The following SGCZ variants were observed in gnomAD, a reference collection of about 807,000 sequenced individuals.
The protein encoded by SGCZ is sarcoglycan zeta.
Under a neutral mutation model 41.3 loss-of-function variants are expected in SGCZ, and 40 were observed. That is an observed-to-expected ratio of 0.97 (90% confidence interval 0.75 to 1.26). The LOEUF (loss-of-function observed/expected upper bound fraction) is 1.26. SGCZ is among the 50% of genes most tolerant of loss of function. The pLI, the probability that SGCZ is intolerant of heterozygous loss-of-function variation, is 0.00. For synonymous variants in SGCZ, 206 were observed against 137.5 expected (o/e 1.50, Z -3.49); for missense variants, 552 against 369.8 (o/e 1.49, Z -4.04).
chr8:15,057,737 T>C (rs1426487651), intron 1 of SGCZ, among the ~76,000 whole-genome samples: 1 of 152,244 alleles, frequency 6.6e-6, no homozygotes, highest in African/African-American at 2.4e-5. Context: ...AAGAATTAGC[T>C]GTGCTCCCTG....
At chr8:14,677,078 C>A (rs1412624223) in intron 1 of SGCZ, among the ~76,000 whole-genome samples, 1 of 148,334 alleles carries the variant, frequency 6.7e-6, no homozygotes. Flanking sequence ...AAGAACTGAC[C>A]AAAAAAAAAC....
At chr8:15,027,112 C>A (rs1803486718) in intron 1 of SGCZ, among the ~76,000 whole-genome samples, 1 of 152,158 alleles carries the variant, frequency 6.6e-6, no homozygotes, top group African/African-American at 2.4e-5. Context: ...CTTTCTCAGA[C>A]CATTGTATCT....
intron 1 of SGCZ, among the ~76,000 whole-genome samples, chr8:14,860,723 A>AAAGG (rs1803714432): frequency 6.6e-6 from 1 of 150,708 alleles, no homozygotes; most frequent in Non-Finnish European, 1.5e-5. Context: ...AGAAAGAAAG[A>AAAGG]AAGAAAGAAA....
intron 2 of SGCZ, among the ~76,000 whole-genome samples, chr8:14,337,843 C>G (rs761097787): frequency 1.3e-5 from 2 of 152,070 alleles, no homozygotes; most frequent in South Asian, 2.1e-4. Context: ...CCACTTTTAG[C>G]AATGGAGATG....
chr8:14,723,071 C>A (rs1809941035), intron 1 of SGCZ, among the ~76,000 whole-genome samples: 1 of 152,030 alleles, frequency 6.6e-6, no homozygotes. Context: ...TAGGCAGGTT[C>A]AAAAGAAATG....
intron 1 of SGCZ, among the ~76,000 whole-genome samples, chr8:14,675,058 C>G (rs1365060904): frequency 6.7e-6 from 1 of 149,182 alleles, no homozygotes; most frequent in East Asian, 2.0e-4. Flanking sequence ...CCTGCTTCAG[C>G]CTCAGGAGTT....
chr8:15,187,448 C>A (rs184835787), intron 1 of SGCZ, among the ~76,000 whole-genome samples: 3 of 152,028 alleles, frequency 2.0e-5, no homozygotes, highest in Non-Finnish European at 4.4e-5. Context: ...AAATAATCTC[C>A]AGACAAATGG....
At chr8:14,338,833 C>T (rs1054953178) in intron 2 of SGCZ, among the ~76,000 whole-genome samples, 11 of 151,984 alleles carry the variant, frequency 7.2e-5, no homozygotes, top group Admixed American at 3.9e-4. Context: ...TATGTAAGTG[C>T]CCTATGACAA....
chr8:14,980,118 G>C (rs1039300515), intron 1 of SGCZ, among the ~76,000 whole-genome samples: 37 of 152,134 alleles, frequency 2.4e-4, no homozygotes, highest in African/African-American at 8.2e-4. Flanking sequence ...TGTGCTTTCT[G>C]GTGGCAAGAC....
intron 2 of SGCZ, among the ~76,000 whole-genome samples, chr8:14,520,378 G>A (rs983658773): frequency 3.9e-5 from 6 of 151,976 alleles, no homozygotes; most frequent in Non-Finnish European, 7.4e-5. Flanking sequence ...AGTAAAACTT[G>A]GGCATGTTAT....
intron 2 of SGCZ, among the ~76,000 whole-genome samples, chr8:14,518,135 A>G (rs1297931521): frequency 1.3e-5 from 2 of 151,926 alleles, no homozygotes; most frequent in African/African-American, 4.8e-5. Flanking sequence ...TTCTCTCTCT[A>G]AAAATATATT....
At chr8:15,208,326 T>C (rs561553830) in intron 1 of SGCZ, among the ~76,000 whole-genome samples, 1 of 152,214 alleles carries the variant, frequency 6.6e-6, no homozygotes, top group Admixed American at 6.5e-5. Context: ...ATGACGGGTA[T>C]GATTTAAGAC....
rs550535644 is a variant in SGCZ, at chr8:15,032,670, C to A, written c.39+204915G>T. On this transcript the variant is annotated intron_variant, in intron 1 of 7. Transcript: ENST00000382080. ...CAGGGGCCTTGGGCTTAGGACCTAC[C>A]CCATTGCCAGGTCAGCCCCCAGAGA... Among the ~76,000 whole-genome samples the A allele has an allele frequency of 5.9e-5, 9 of 152,216 alleles. No homozygotes were observed. In the South Asian group the frequency reaches 1.9e-3, roughly 32 times the overall value.
chr8:14,701,319 A>C (rs749010738), intron 1 of SGCZ, among the ~76,000 whole-genome samples: 12 of 151,920 alleles, frequency 7.9e-5, no homozygotes, highest in Non-Finnish European at 1.6e-4. Flanking sequence ...TATAAAAATA[A>C]ACCATACTTT....
chr8:14,305,227 C>A (rs549112153), intron 3 of SGCZ, among the ~76,000 whole-genome samples: 3 of 152,078 alleles, frequency 2.0e-5, no homozygotes, highest in Admixed American at 6.5e-5. Context: ...ATCATATGAA[C>A]AACAAAACAT....
chr8:14,474,435 A>T (rs1312089961), intron 2 of SGCZ, among the ~76,000 whole-genome samples: 3 of 152,216 alleles, frequency 2.0e-5, no homozygotes, highest in Non-Finnish European at 4.4e-5. Context: ...TCACACAGAA[A>T]GTGATGCTAA....
chr8:15,203,404 G>T (rs371000460), intron 1 of SGCZ, among the ~76,000 whole-genome samples: 4 of 152,060 alleles, frequency 2.6e-5, no homozygotes, highest in African/African-American at 9.7e-5. Flanking sequence ...ACCCCGTGAG[G>T]CCACTGCAGT....
intron 4 of SGCZ, among the ~76,000 whole-genome samples, chr8:14,206,998 C>A (rs527450290): frequency 1.3e-5 from 2 of 152,090 alleles, no homozygotes; most frequent in Non-Finnish European, 2.9e-5. Flanking sequence ...TCACTGACAT[C>A]TTATTTTCTG....
intron 1 of SGCZ, chr8:14,690,434 G>A (rs557806417): frequency 1.8e-4 from 28 of 152,256 alleles, no homozygotes; most frequent in African/African-American, 6.0e-4. Context: ...TCAAGATCAA[G>A]CTAAAGGATG....
Sources: gnomAD v4.1 joint callset for allele counts (sites outside exome capture counted in the v4.1 genomes callset) on GRCh38, gnomAD v4.1.1 for gene constraint, MANE v1.5 for transcripts, NCBI Gene and HGNC (gene_info 2026-07-23, HGNC 2026-07-21) for gene names.